INTS4: variants seen among roughly 807,000 people sequenced by gnomAD.
INTS4 encodes the protein integrator complex subunit 4.
Under a neutral mutation model 119.5 loss-of-function variants are expected in INTS4, and 70 were observed. The ratio of observed to expected loss-of-function variants is 0.59; its 90% confidence interval spans 0.48 to 0.71. The LOEUF is 0.71. INTS4 is among the 30% of genes least tolerant of loss of function. INTS4 has a pLI of 0.00. For missense variants in INTS4, 867 were observed against 1,173.2 expected (o/e 0.74, Z 3.81); for synonymous variants, 316 against 419.6 (o/e 0.75, Z 3.02).
chr11:77,964,795 T>C (rs577137955), intron 4 of INTS4, among the ~76,000 whole-genome samples: 14 of 151,978 alleles, frequency 9.2e-5, no homozygotes, highest in African/African-American at 3.1e-4. Flanking sequence ...CTCTTTATGG[T>C]AATAACAAAG....
chr11:77,966,323 T>G (rs1024843684), intron 4 of INTS4, among the ~76,000 whole-genome samples: 1 of 152,230 alleles, frequency 6.6e-6, no homozygotes, highest in Non-Finnish European at 1.5e-5. Context: ...GTCTATTTTT[T>G]GTGGTTGGTT....
intron 18 of INTS4, among the ~76,000 whole-genome samples, chr11:77,900,390 C>T (rs1591031914): frequency 6.6e-6 from 1 of 152,148 alleles, no homozygotes; most frequent in Non-Finnish European, 1.5e-5. Flanking sequence ...TGAGCCACCA[C>T]ACCCGGCCAC....
In INTS4 at chr11:77,939,088, G is replaced by A. The variant is rs187483655; in HGVS notation, c.991-263C>T. On this transcript the variant is annotated intron_variant, in intron 9 of 22. Coordinates refer to ENST00000534064, the MANE Select transcript of INTS4 (RefSeq NM_033547.4). Reference sequence around the variant, plus strand: ...GTTAAGAAAGTCGGTTATGTTTGCTGTGGCAGCAACATAGGAAAGAGAGAG... The same window carrying A: ...GTTAAGAAAGTCGGTTATGTTTGCTATGGCAGCAACATAGGAAAGAGAGAG... Among the ~76,000 whole-genome samples the A allele has an allele frequency of 4.4e-3, 668 of 152,334 alleles. 3 individuals are homozygous for A. Among genetic ancestry groups the A allele is most frequent in the African/African-American group, 0.015 (629 of 41,574 alleles).
At chr11:77,876,741 G>A (rs1951605335), downstream of INTS4, among the ~76,000 whole-genome samples, 1 of 149,512 alleles carries the variant, frequency 6.7e-6, no homozygotes, top group Non-Finnish European at 1.5e-5. Flanking sequence ...TTTTAAGACA[G>A]GATCAAGTCC....
At chr11:77,907,861 C>A in intron 15 of INTS4, 51 bp from the exon 16 acceptor site, 1 of 1,140,162 alleles carries the variant, frequency 8.8e-7, no homozygotes, top group Non-Finnish European at 1.3e-6. Flanking sequence ...ATAATGCCAC[C>A]AACATAAAGA....
intron 2 of INTS4, among the ~76,000 whole-genome samples, chr11:77,985,581 A>G (rs1365937992): frequency 6.6e-6 from 1 of 152,162 alleles, no homozygotes; most frequent in Non-Finnish European, 1.5e-5. Flanking sequence ...CCCAGATTTC[A>G]TAAGACCTGA....
chr11:77,987,005 AC>A (rs1856485822), intron 2 of INTS4: 1 of 152,208 alleles, frequency 6.6e-6, no homozygotes, highest in East Asian at 1.9e-4. Flanking sequence ...AAGAGTCTTC[AC>A]CACTTAAAGA....
At chr11:77,888,315 C>A (rs377602863) in intron 21 of INTS4, among the ~76,000 whole-genome samples, 4 of 152,234 alleles carry the variant, frequency 2.6e-5, no homozygotes, top group African/African-American at 9.6e-5. Context: ...CAAAAACAAG[C>A]AATGGGGAAA....
At position 77,879,021 on chromosome 11, in the gene INTS4, G is replaced by A. The variant is rs754539518; in HGVS notation, c.2820C>T (p.Thr940=). ...EGGEMSPQVE[T]SIEGTIPFSK... ...TGAAGGGAATGGTGCCCTCGATGCT[G>A]GTTTCCACCTGTGGTGACATCTCAC... is the stretch of plus-strand genomic sequence containing the variant. Residue 940 remains threonine (T), a synonymous_variant, in exon 23 of 23, where the codon ACC becomes ACT. Transcript: ENST00000534064. The A allele has an allele frequency of 6.2e-7, 1 of 1,614,098 alleles. No individual in the cohort carries two copies. Among genetic ancestry groups the A allele is most frequent in the East Asian group, 2.2e-5 (1 of 44,874 alleles).
At chr11:77,907,832 A>G in intron 15 of INTS4, 22 bp from the exon 16 acceptor site, 1 of 1,451,534 alleles carries the variant, frequency 6.9e-7, no homozygotes, top group African/African-American at 1.4e-5. Context: ...AAAACCCCCA[A>G]GGCAAACACA....
intron 16 of INTS4, 90 bp downstream of exon 16, chr11:77,907,627 A>C (rs1952988285): frequency 1.1e-6 from 1 of 871,178 alleles, no homozygotes; most frequent in Non-Finnish European, 1.9e-6. Flanking sequence ...TAAGACCATA[A>C]GTTTTATAAC....
In INTS4 at chr11:77,922,759, C is replaced by T. The variant is rs1375335016; in HGVS notation, c.1515-288G>A. Reference sequence around the variant, plus strand: ...TGATTTTACTCAGGTATCAGGCAGGCAGCAAAGTGCTCGGAAAAGGCAGGT... The same window carrying T: ...TGATTTTACTCAGGTATCAGGCAGGTAGCAAAGTGCTCGGAAAAGGCAGGT... On this transcript the variant is annotated intron_variant, in intron 12 of 22. Transcript: ENST00000534064. The T allele has an allele frequency of 7.7e-6, 3 of 388,718 alleles. No homozygotes were observed. In the East Asian group the frequency reaches 1.8e-4, roughly 24 times the overall value. 24.1% of individuals were successfully genotyped at this position (388,718 alleles called of 1,614,324 possible).
chr11:77,994,546 A>T (rs1402458643), intron 1 of INTS4, 44 bp downstream of exon 1: 1 of 1,464,342 alleles, frequency 6.8e-7, no homozygotes, highest in Admixed American at 1.7e-5. Context: ...TGGATAATCT[A>T]CCCTGGTCCG....
intron 15 of INTS4, among the ~76,000 whole-genome samples, chr11:77,910,420 A>G (rs1953063600): frequency 7.2e-6 from 1 of 138,920 alleles, no homozygotes; most frequent in Non-Finnish European, 1.6e-5. Flanking sequence ...AGGAAGGGGA[A>G]CATCACACCC....
intron 8 of INTS4, 69 bp downstream of exon 8, chr11:77,955,873 T>A: frequency 6.9e-7 from 1 of 1,458,636 alleles, no homozygotes; most frequent in Non-Finnish European, 9.4e-7. Context: ...GGCCACACAG[T>A]CCTCATTTCT....
At chr11:77,895,478 G>A (rs1591022250) in intron 18 of INTS4, among the ~76,000 whole-genome samples, 1 of 137,304 alleles carries the variant, frequency 7.3e-6, no homozygotes, top group East Asian at 2.3e-4. Context: ...GGGGTAGATG[G>A]CAAATGGAAA....
chr11:77,919,993 G>C (rs539295890), intron 14 of INTS4, among the ~76,000 whole-genome samples: 1 of 151,976 alleles, frequency 6.6e-6, no homozygotes, highest in South Asian at 2.1e-4. Context: ...ATTTTTAGTA[G>C]AGATGAGGTT....
At chr11:77,973,215 A>C (rs1425081907) in intron 4 of INTS4, among the ~76,000 whole-genome samples, 3 of 152,208 alleles carry the variant, frequency 2.0e-5, no homozygotes, top group Non-Finnish European at 4.4e-5. Context: ...GTTCACTGCA[A>C]GTGTATATAA....
intron 4 of INTS4, among the ~76,000 whole-genome samples, chr11:77,972,350 C>A (rs1212840557): frequency 1.3e-5 from 2 of 152,098 alleles, no homozygotes; most frequent in East Asian, 3.9e-4. Flanking sequence ...CTGCTCACCT[C>A]AGCCTCCCAA....
Sources: gnomAD v4.1 joint callset for allele counts (sites outside exome capture counted in the v4.1 genomes callset) on GRCh38, gnomAD v4.1.1 for gene constraint, MANE v1.5 for transcripts, NCBI Gene and HGNC (gene_info 2026-07-23, HGNC 2026-07-21) for gene names.